Variants in ZBTB24 observed in about 807,000 individuals in gnomAD.
ZBTB24 encodes the protein zinc finger and BTB domain containing 24.
A neutral mutation model predicts 53.8 loss-of-function variants in ZBTB24; 32 were observed. The observed-to-expected ratio is 0.60, with a 90% CI of 0.45 to 0.80. ZBTB24 has a LOEUF of 0.80. Ranked by LOEUF, ZBTB24 falls within the 30% of genes least tolerant of loss-of-function variation. The probability of loss-of-function intolerance (pLI) is 0.00; values close to 1 mark genes in which losing one functional copy is unlikely to be tolerated. For missense variants in ZBTB24, 722 were observed against 837.1 expected (o/e 0.86, Z 1.70); for synonymous variants, 297 against 306.7 (o/e 0.97, Z 0.33).
intron 2 of ZBTB24, 127 bp downstream of exon 2, chr6:109,480,948 A>C: frequency 6.6e-7 from 1 of 1,516,264 alleles, no homozygotes; most frequent in Non-Finnish European, 8.8e-7. Context: ...ATTAACTGCA[A>C]TAACATGTAT....
Position 109,465,602 on chromosome 6 carries a change from G to A in ZBTB24, c.*249C>T, listed in dbSNP as rs1454626119. ...AGAAAAACTACCCGAGTCTTTATGAGACATTGCAGATTAAAATGAAAACCA... is the reference window on the plus strand; with the variant it reads ...AGAAAAACTACCCGAGTCTTTATGAAACATTGCAGATTAAAATGAAAACCA... On this transcript the variant is annotated 3_prime_UTR_variant, in exon 7 of 7. Coordinates refer to ENST00000230122, the MANE Select transcript of ZBTB24 (RefSeq NM_014797.3). The A allele has an allele frequency of 2.0e-6, 3 of 1,504,890 alleles. No individual in the cohort carries two copies. The highest frequency in any genetic ancestry group is 2.8e-5 in the African/African-American group (2 of 72,192). 93.2% of individuals were successfully genotyped at this position (1,504,890 alleles called of 1,614,324 possible). A position where few individuals can be genotyped will look rare whatever the true frequency, so the allele number is the denominator to read the frequency against.
At chr6:109,473,191 C>T (rs1349579567) in intron 5 of ZBTB24, among the ~76,000 whole-genome samples, 1 of 152,144 alleles carries the variant, frequency 6.6e-6, no homozygotes, top group Non-Finnish European at 1.5e-5. Flanking sequence ...CAGGTGAAGT[C>T]AATCAGAATC....
At chr6:109,466,696 G>A in intron 6 of ZBTB24, 122 bp from the exon 7 acceptor site, 2 of 1,314,996 alleles carry the variant, frequency 1.5e-6, no homozygotes, top group Non-Finnish European at 2.1e-6. Context: ...ATAAGTCATG[G>A]GTTCACCTAC....
chr6:109,465,651 T>C lies in ZBTB24; in HGVS notation c.*200A>G. ...CATTCAATAATATTGAAATGCTCAA[T>C]ACAAATCAGTACCTTAGACAAGACA... On this transcript the variant is annotated 3_prime_UTR_variant, in exon 7 of 7. Transcript: ENST00000230122. The C allele has an allele frequency of 6.4e-7, 1 of 1,560,856 alleles. No individual in the cohort carries two copies. Among genetic ancestry groups the C allele is most frequent in the Non-Finnish European group, 8.6e-7 (1 of 1,159,510 alleles).
Position 109,481,351 on chromosome 6 carries a change from T to G in ZBTB24, c.676A>C (p.Ser226Arg), listed in dbSNP as rs920508449. 17 of 1,614,204 alleles carry G rather than the reference T, an allele frequency of 1.1e-5. No individual in the cohort carries two copies. The highest frequency in any genetic ancestry group is 2.2e-5 in the East Asian group (1 of 44,888). ...KEESEPTCEP[S>R]REEEMPVEKD... Reference sequence around the variant, plus strand: ...TCAACTGGCATTTCCTCCTCTCTACTTGGCTCACAAGTAGGCTCCGATTCT... The same window carrying G: ...TCAACTGGCATTTCCTCCTCTCTACGTGGCTCACAAGTAGGCTCCGATTCT... The change falls in exon 2 of 7, where the codon AGT (serine) becomes CGT (arginine). Residue 226 changes from serine to arginine, a missense_variant. Physicochemically the swap from Ser to Arg is moderately radical, Grantham distance 110. Transcript: ENST00000230122.
intron 2 of ZBTB24, among the ~76,000 whole-genome samples, chr6:109,480,236 A>G (rs955340834): frequency 6.6e-6 from 1 of 152,160 alleles, no homozygotes; most frequent in African/African-American, 2.4e-5. Flanking sequence ...ATTACAATTA[A>G]GTTGAGGGAT....
chr6:109,476,410 C>A, intron 3 of ZBTB24, 152 bp from the exon 4 acceptor site: 1 of 797,192 alleles, frequency 1.3e-6, no homozygotes. Flanking sequence ...TTCAATCTAC[C>A]ACAGAAACAT....
chr6:109,475,600 A>G, intron 4 of ZBTB24, 118 bp from the exon 5 acceptor site: 1 of 1,257,792 alleles, frequency 8.0e-7, no homozygotes, highest in African/African-American at 1.5e-5. Flanking sequence ...TACTTTAACC[A>G]CAAAAATTTT....
rs993657619 is a variant in ZBTB24 at position 109,464,818 on chromosome 6, G to C, written c.*1033C>G. 6.6e-6 allele frequency: 1 copy of C among 152,104 alleles called. No individual in the cohort carries two copies. Among genetic ancestry groups the C allele is most frequent in the African/African-American group, 2.4e-5 (1 of 41,408 alleles). The allele number at this position is 152,104 out of a possible 1,614,324, so 9.4% of individuals were successfully genotyped here. A position where few individuals can be genotyped will look rare whatever the true frequency, so the allele number is the denominator to read the frequency against. On this transcript the variant is annotated 3_prime_UTR_variant, in exon 7 of 7. Transcript: ENST00000230122. ...GAGACCCTGTCTCTAAAAAAGGAAA[G>C]ATTAGGAGAAGATATTCACTTTGTG...
In ZBTB24 at chr6:109,466,331, C is replaced by G. The variant is rs778764491; in HGVS notation, c.1614G>C (p.Gln538His). ...SNTEEVRNIL[Q>H]LQPYQLSTSG... ...AGGTAGAGAGTTGATATGGCTGTAG[C>G]TGAAGAATATTCCTGACCTCTTCTG... The change falls in exon 7 of 7, where the codon CAG becomes CAC. Residue 538 changes from glutamine (Q) to histidine (H), a missense_variant. Coordinates refer to ENST00000230122, the MANE Select transcript of ZBTB24 (RefSeq NM_014797.3). 3 of 1,614,208 alleles carry G rather than the reference C, an allele frequency of 1.9e-6. No individual in the cohort carries two copies. Among genetic ancestry groups the G allele is most frequent in the East Asian group, 4.5e-5 (2 of 44,886 alleles).
Position 109,465,570 on chromosome 6 carries a change from C to T in ZBTB24, c.*281G>A. On this transcript the variant is annotated 3_prime_UTR_variant, in exon 7 of 7. Coordinates refer to ENST00000230122, the MANE Select transcript of ZBTB24 (RefSeq NM_014797.3). ...CCTTACAGAAAAACTGAGATCAATG[C>T]CCCCAAAGAAAAACTACCCGAGTCT... 1.5e-6 allele frequency: 2 copies of T among 1,319,240 alleles called. No individual in the cohort carries two copies. Among genetic ancestry groups the T allele is most frequent in the East Asian group, 2.5e-5 (1 of 39,812 alleles). 81.7% of individuals were successfully genotyped at this position (1,319,240 alleles called of 1,614,324 possible). A position where few individuals can be genotyped will look rare whatever the true frequency, so the allele number is the denominator to read the frequency against.
chr6:109,462,934 A>T lies in ZBTB24; in HGVS notation c.*2917T>A, dbSNP rs938768704. ...ACTGCACTAGCAACATCATTTCTCA[A>T]GGACACATGAGAAGTACTTTCATGT... On this transcript the variant is annotated 3_prime_UTR_variant, in exon 7 of 7. Transcript: ENST00000230122. 6.6e-6 allele frequency: 1 copy of T among 152,268 alleles called. No individual in the cohort carries two copies. The highest frequency in any genetic ancestry group is 6.5e-5 in the Admixed American group (1 of 15,290). 9.4% of individuals were successfully genotyped at this position (152,268 alleles called of 1,614,324 possible).
chr6:109,467,297 C>A (rs770391344), intron 6 of ZBTB24, among the ~76,000 whole-genome samples: 37 of 152,016 alleles, frequency 2.4e-4, no homozygotes, highest in Admixed American at 2.4e-3. Flanking sequence ...CCCAGGCAGG[C>A]GGATCACTTG....
At chr6:109,482,093 T>C (rs1028937958) in intron 1 of ZBTB24, 39 bp from the exon 2 acceptor site, 5 of 1,437,496 alleles carry the variant, frequency 3.5e-6, no homozygotes, top group Non-Finnish European at 4.9e-6. Flanking sequence ...GAGAAAGCAC[T>C]GTCTAAAAGG....
chr6:109,481,505 C>T lies in ZBTB24; in HGVS notation c.522G>A (p.Glu174=), dbSNP rs1476604681. ...RPKKVNTLQE[E]KSELAAEEEI... is the part of the protein sequence containing the mutation. ...CTTCCTCTGCAGCCAGTTCTGATTT[C>T]TCCTCCTGCAATGTATTGACTTTTT... Residue 174 remains glutamate, a synonymous_variant, in exon 2 of 7, where the codon GAG becomes GAA. Coordinates refer to ENST00000230122, the MANE Select transcript of ZBTB24 (RefSeq NM_014797.3). The T allele has an allele frequency of 6.2e-7, 1 of 1,614,216 alleles. No individual in the cohort carries two copies. The highest frequency in any genetic ancestry group is 1.7e-5 in the Admixed American group (1 of 60,024).
chr6:109,468,963 C>T (rs1169469121), intron 5 of ZBTB24, among the ~76,000 whole-genome samples: 1 of 150,948 alleles, frequency 6.6e-6, no homozygotes, highest in African/African-American at 2.4e-5. Context: ...CAGCAAAATC[C>T]ACTTAACTGG....
chr6:109,466,077 A>G lies in ZBTB24; in HGVS notation c.1868T>C (p.Ile623Thr). Reference protein sequence around the residue: ...QTEHIQSLNMIESQMGPSQTE... With the variant: ...QTEHIQSLNMTESQMGPSQTE... ...TTGTGAGGGCCCCATCTGGCTTTCAATCATATTGAGGCTCTGAATGTGTTC... is the reference window on the plus strand; with the variant it reads ...TTGTGAGGGCCCCATCTGGCTTTCAGTCATATTGAGGCTCTGAATGTGTTC... Residue 623 changes from isoleucine (I) to threonine (T), a missense_variant, in exon 7 of 7, where the codon ATT becomes ACT. Ile to Thr is a moderately conservative substitution (Grantham distance 89, BLOSUM62 -1). Coordinates refer to ENST00000230122, the MANE Select transcript of ZBTB24 (RefSeq NM_014797.3). 6.2e-7 allele frequency: 1 copy of G among 1,614,218 alleles called. No homozygotes were observed. The highest frequency in any genetic ancestry group is 2.2e-5 in the East Asian group (1 of 44,882).
At chr6:109,482,109 G>T in intron 1 of ZBTB24, 55 bp from the exon 2 acceptor site, 1 of 1,221,064 alleles carries the variant, frequency 8.2e-7, no homozygotes, top group Non-Finnish European at 1.2e-6. Context: ...AAAGGTTAAT[G>T]CCAGCCCACA....
At position 109,465,777 on chromosome 6, in the gene ZBTB24, T is replaced by C. The variant is rs3734652; in HGVS notation, c.*74A>G. The C allele has an allele frequency of 0.45, 719,179 of 1,613,404 alleles. 164,824 individuals are homozygous for C. Among genetic ancestry groups the C allele is most frequent in the African/African-American group, 0.71 (53,019 of 74,928 alleles). On this transcript the variant is annotated 3_prime_UTR_variant, in exon 7 of 7. Coordinates refer to ENST00000230122, the MANE Select transcript of ZBTB24 (RefSeq NM_014797.3). ...CAAGTCAATGGTGTGGAGAGCCTGA[T>C]TTCAAGCGTTCAAAATCCAGTCAGA...
Sources: gnomAD v4.1 joint callset for allele counts (sites outside exome capture counted in the v4.1 genomes callset) on GRCh38, gnomAD v4.1.1 for gene constraint, MANE v1.5 for transcripts, NCBI Gene and HGNC (gene_info 2026-07-23, HGNC 2026-07-21) for gene names.